Variants in DPH7 observed in about 807,000 individuals in gnomAD.
The protein encoded by DPH7 is diphthamide biosynthesis 7.
DPH7 carries 44 observed loss-of-function variants against 41.7 expected under a neutral mutation model. The observed-to-expected ratio is 1.05, with a 90% confidence interval of 0.83 to 1.36. The LOEUF is 1.36. DPH7 is among the 40% of genes most tolerant of loss of function. DPH7 has a pLI of 0.00. For synonymous variants in DPH7, 275 were observed against 238.0 expected (o/e 1.16, Z -1.43); for missense variants, 629 against 577.5 (o/e 1.09, Z -0.91).
chr9:137,562,055 G>A (rs1321114365), intron 8 of DPH7, among the ~76,000 whole-genome samples: 4 of 152,040 alleles, frequency 2.6e-5, no homozygotes, highest in South Asian at 2.1e-4. Context: ...TAGTAGAGAC[G>A]GGGTTTCACC....
chr9:137,571,727 G>A (rs1277872268), intron 5 of DPH7, among the ~76,000 whole-genome samples: 1 of 152,080 alleles, frequency 6.6e-6, no homozygotes, highest in Non-Finnish European at 1.5e-5. Context: ...GGTGGAGGTT[G>A]CAATGAGCCA....
rs570049050 is a variant in DPH7, at chr9:137,554,512, C to A, written c.*727G>T. On this transcript the variant is annotated 3_prime_UTR_variant, in exon 9 of 9. Transcript: ENST00000277540. ...GAGTCTTGCTCTGTTGCCCCTGGCT[C>A]ATTGCAGCCTCGACCTCCTGGGCTC... Among the ~76,000 whole-genome samples the A allele has an allele frequency of 9.3e-4, 141 of 152,292 alleles. 1 individual carries two copies. Among genetic ancestry groups the A allele is most frequent in the African/African-American group, 3.2e-3 (132 of 41,566 alleles).
rs1426668756 is a variant in DPH7, at chr9:137,556,990, T to G, written c.950-1342A>C. 2.3e-6 allele frequency: 1 copy of G among 441,318 alleles called. No homozygotes were observed. Among genetic ancestry groups the G allele is most frequent in the Non-Finnish European group, 4.6e-6 (1 of 219,346 alleles). 27.3% of individuals were successfully genotyped at this position (441,318 alleles called of 1,614,324 possible). A position where few individuals can be genotyped will look rare whatever the true frequency, so the allele number is the denominator to read the frequency against. On this transcript the variant is annotated intron_variant, in intron 8 of 8. Transcript: ENST00000277540. This position sits in a 1 kb window ranked among gnomAD's most constrained non-coding sequence, Gnocchi z 5.2. ...TTTTATTTTCAAGACAGGACCTCAC[T>G]CTGTCGCATAGGCTGGAGTGCACTG...
chr9:137,573,559 T>G (rs1469003355), intron 5 of DPH7, among the ~76,000 whole-genome samples: 1 of 148,038 alleles, frequency 6.8e-6, no homozygotes, highest in Admixed American at 6.8e-5. Flanking sequence ...GGCGGGTGCC[T>G]GTAGTCCCAG....
intron 1 of DPH7, 139 bp from the exon 2 acceptor site, chr9:137,577,742 TTC>T: frequency 4.3e-6 from 5 of 1,172,976 alleles, no homozygotes; most frequent in Non-Finnish European, 5.9e-6. Flanking sequence ...ACCTCTGGTT[TTC>T]TGAGCTGGAG....
intron 5 of DPH7, among the ~76,000 whole-genome samples, chr9:137,571,241 C>T (rs1399019310): frequency 6.6e-6 from 1 of 151,858 alleles, no homozygotes; most frequent in Non-Finnish European, 1.5e-5. Flanking sequence ...GGCTGGAGTG[C>T]AGTGGTGCGA....
In DPH7 at chr9:137,555,066, G is replaced by T; in HGVS notation, c.*173C>A. ...CACCCAGTCCACTTTCAGGGGCCCA[G>T]CAGGGAAGCTGATTTAAGAGAAGTC... On this transcript the variant is annotated 3_prime_UTR_variant, in exon 9 of 9. Coordinates refer to ENST00000277540, the MANE Select transcript of DPH7 (RefSeq NM_138778.5). 1 of 753,406 alleles carries T rather than the reference G, an allele frequency of 1.3e-6. No individual in the cohort carries two copies. Among genetic ancestry groups the T allele is most frequent in the Non-Finnish European group, 1.9e-6 (1 of 515,762 alleles). The allele number at this position is 753,406 out of a possible 1,614,324, so 46.7% of individuals were successfully genotyped here. A position where few individuals can be genotyped will look rare whatever the true frequency, so the allele number is the denominator to read the frequency against.
rs1564391384 is a variant in DPH7 at position 137,555,320 on chromosome 9, T to C, written c.1278A>G (p.Glu426=). The C allele has an allele frequency of 1.2e-6, 2 of 1,613,290 alleles. No individual in the cohort carries two copies. Among genetic ancestry groups the C allele is most frequent in the Non-Finnish European group, 1.7e-6 (2 of 1,179,482 alleles). The change falls in exon 9 of 9, where the codon GAA becomes GAG. Residue 426 remains glutamate, a synonymous_variant. Coordinates refer to ENST00000277540, the MANE Select transcript of DPH7 (RefSeq NM_138778.5). ...TTRDCGVNPE[E]ADSAFSLLAT... ...CCAGGAGGCTGAAGGCTGAGTCTGC[T>C]TCTTCTGGGTTCACGCCACAGTCAC...
At chr9:137,559,895 TC>T (rs1564410329) in intron 8 of DPH7, among the ~76,000 whole-genome samples, 1 of 152,144 alleles carries the variant, frequency 6.6e-6, no homozygotes, top group African/African-American at 2.4e-5. Context: ...AGCTGTCTTT[TC>T]TTTTATCTCT....
At chr9:137,568,514 C>T (rs1839828145) in intron 5 of DPH7, among the ~76,000 whole-genome samples, 3 of 131,950 alleles carry the variant, frequency 2.3e-5, no homozygotes, top group Non-Finnish European at 3.2e-5. Context: ...TGAGGAAGCT[C>T]CCCTGGGTGA....
rs528960890 is a variant in DPH7, at chr9:137,556,300, G to A, written c.950-652C>T. Among the ~76,000 whole-genome samples, 14 of 152,326 alleles carry A rather than the reference G, an allele frequency of 9.2e-5. 1 individual carries two copies. The East Asian group carries it at 1.7e-3, about 19-fold the overall frequency. On this transcript the variant is annotated intron_variant, in intron 8 of 8. Coordinates refer to ENST00000277540, the MANE Select transcript of DPH7 (RefSeq NM_138778.5). This position sits in a 1 kb window ranked among gnomAD's most constrained non-coding sequence, Gnocchi z 5.2. ...GGAATGACGAGGCGTGGCCAAACCC[G>A]AGGCGATCTGGAGTCCAGGAGGCAA...
At chr9:137,568,441 C>T (rs1250637131) in intron 5 of DPH7, among the ~76,000 whole-genome samples, 5 of 22,876 alleles carry the variant, frequency 2.2e-4, no homozygotes, top group African/African-American at 1.0e-3. Context: ...GTGACTCTGT[C>T]TGTGAGGAAG....
chr9:137,574,463 G>A lies in DPH7; in HGVS notation c.468-83C>T, dbSNP rs1455406349. Reference sequence around the variant, plus strand: ...GGTTCCCAAACAAGTCCTGAGAGACGGTCTCCACAGCCCTGGGATGCGGAT... The same window carrying A: ...GGTTCCCAAACAAGTCCTGAGAGACAGTCTCCACAGCCCTGGGATGCGGAT... On this transcript the variant is annotated intron_variant, in intron 4 of 8. Transcript: ENST00000277540. 15 of 1,445,948 alleles carry A rather than the reference G, an allele frequency of 1.0e-5. 1 individual carries two copies. Among genetic ancestry groups the A allele is most frequent in the East Asian group, 2.3e-5 (1 of 43,470 alleles). 89.6% of individuals were successfully genotyped at this position (1,445,948 alleles called of 1,614,324 possible). A position where few individuals can be genotyped will look rare whatever the true frequency, so the allele number is the denominator to read the frequency against.
intron 2 of DPH7, among the ~76,000 whole-genome samples, chr9:137,577,037 G>C (rs548595174): frequency 0.011 from 1,470 of 138,046 alleles, 11 homozygotes; most frequent in Non-Finnish European, 0.017. Flanking sequence ...CTGGGCAACG[G>C]AACAAAACCC....
chr9:137,574,550 G>A (rs1329533915), intron 4 of DPH7, 170 bp from the exon 5 acceptor site: 1 of 841,080 alleles, frequency 1.2e-6, no homozygotes, highest in East Asian at 2.6e-5. Flanking sequence ...AAAGACACCA[G>A]TGTCGACTTC....
At chr9:137,564,199 G>A (rs569184353) in intron 8 of DPH7, among the ~76,000 whole-genome samples, 4 of 152,356 alleles carry the variant, frequency 2.6e-5, no homozygotes, top group South Asian at 2.1e-4. Context: ...AGGAGGCACC[G>A]GAATGACGGA....
chr9:137,575,393 C>T, intron 3 of DPH7: 2 of 988,508 alleles, frequency 2.0e-6, no homozygotes, highest in Non-Finnish European at 1.2e-6. Flanking sequence ...GCTGCTGTAC[C>T]AAAGCCCTTT....
chr9:137,564,644 C>A (rs375705610), intron 7 of DPH7, 38 bp from the exon 8 acceptor site: 1 of 1,590,650 alleles, frequency 6.3e-7, no homozygotes, highest in Non-Finnish European at 8.6e-7. Flanking sequence ...ATAAGGAAAG[C>A]CCAGGCTCAC....
intron 1 of DPH7, 50 bp from the exon 2 acceptor site, chr9:137,577,653 C>A: frequency 6.3e-7 from 1 of 1,594,278 alleles, no homozygotes; most frequent in Non-Finnish European, 8.6e-7. Flanking sequence ...CACGAAGGAA[C>A]CCAAAGGATG....
Sources: allele counts gnomAD v4.1 joint callset (sites outside exome capture counted in the v4.1 genomes callset), GRCh38; gene constraint gnomAD v4.1.1; non-coding constraint Gnocchi (gnomAD v3.1); transcripts MANE v1.5; gene names NCBI Gene and HGNC (gene_info 2026-07-23, HGNC 2026-07-21).